The following EPHB2 variants were observed in gnomAD, a reference collection of about 807,000 sequenced individuals.
The protein encoded by EPHB2 is EPH receptor B2, also known as ephrin type-B receptor 2.
A neutral mutation model predicts 96.4 loss-of-function variants in EPHB2; 18 were observed. That is an observed-to-expected ratio of 0.19 (90% CI 0.13 to 0.28). The LOEUF (loss-of-function observed/expected upper bound fraction) is 0.28, where lower values mean the gene tolerates loss of function less well. Among genes scored for constraint, EPHB2 ranks in the 10% least tolerant of loss-of-function variants. The pLI is 1.00. For missense variants in EPHB2, 989 were observed against 1,355.4 expected (o/e 0.73, Z 4.25); for synonymous variants, 506 against 534.1 (o/e 0.95, Z 0.72).
chr1:22,713,421 C>G (rs1027129790), intron 1 of EPHB2, among the ~76,000 whole-genome samples: 9 of 152,270 alleles, frequency 5.9e-5, no homozygotes, highest in African/African-American at 1.9e-4. Flanking sequence ...GCCCTACTTC[C>G]CCTCTTTGAG....
chr1:22,741,132 G>A (rs574652183), intron 1 of EPHB2, among the ~76,000 whole-genome samples: 84 of 151,770 alleles, frequency 5.5e-4, no homozygotes, highest in Non-Finnish European at 1.1e-3. Flanking sequence ...CCCCTGCCCC[G>A]ACCCCTGTTC....
At chr1:22,816,885 A>G (rs959071093) in intron 3 of EPHB2, among the ~76,000 whole-genome samples, 20 of 152,160 alleles carry the variant, frequency 1.3e-4, no homozygotes, top group Non-Finnish European at 2.8e-4. Context: ...CCTGGCCAGG[A>G]CGTCGACCAC....
At chr1:22,839,190 G>C (rs1645429634) in intron 3 of EPHB2, among the ~76,000 whole-genome samples, 1 of 152,154 alleles carries the variant, frequency 6.6e-6, no homozygotes, top group African/African-American at 2.4e-5. Context: ...CAACCCACAT[G>C]CTACTTCAGG....
intron 3 of EPHB2, among the ~76,000 whole-genome samples, chr1:22,857,180 G>T (rs1385864972): frequency 6.6e-6 from 1 of 152,174 alleles, no homozygotes; most frequent in Non-Finnish European, 1.5e-5. Flanking sequence ...AGGGTTTAAT[G>T]ATCTCAAGTT....
At chr1:22,848,285 C>T (rs948293010) in intron 3 of EPHB2, among the ~76,000 whole-genome samples, 3 of 152,096 alleles carry the variant, frequency 2.0e-5, no homozygotes, top group Admixed American at 2.0e-4. Flanking sequence ...GCTGTGTGCC[C>T]GTGACTGCTG....
At position 22,906,136 on chromosome 1, in the gene EPHB2, C is replaced by A. The variant is rs573329494; in HGVS notation, c.1888+27C>A. 6.8e-6 allele frequency: 11 copies of A among 1,614,100 alleles called. No homozygotes were observed. The South Asian group carries it at 1.2e-4, about 18-fold the overall frequency. On this transcript the variant is annotated intron_variant, in intron 10 of 15. Coordinates refer to ENST00000374630, the MANE Select transcript of EPHB2 (RefSeq NM_017449.5). This position sits in a 1 kb window ranked among gnomAD's most constrained non-coding sequence, Gnocchi z 4.8. ...TAGGTGGCTGGTACTCTCACATGTA[C>A]TATGACCTTAGCCATGGCTGGTGAG...
intron 3 of EPHB2, among the ~76,000 whole-genome samples, chr1:22,798,836 C>G (rs1022999174): frequency 6.6e-5 from 10 of 152,030 alleles, no homozygotes; most frequent in African/African-American, 2.4e-4. Flanking sequence ...GCTCAGAAGG[C>G]AGGAGCAGGA....
At position 22,920,421 on chromosome 1, in the gene EPHB2, A is replaced by G. The variant is rs1473522059; in HGVS notation, c.*6851A>G. 1 of 152,314 alleles carries G rather than the reference A, an allele frequency of 6.6e-6. No homozygotes were observed. 9.4% of individuals were successfully genotyped at this position (152,314 alleles called of 1,614,324 possible). A position where few individuals can be genotyped will look rare whatever the true frequency, so the allele number is the denominator to read the frequency against. ...CTTCCTATTCAGAGCCAGAGTCTTAACACTGGACAACCACAGGGTGTTGCT... is the reference window on the plus strand; with the variant it reads ...CTTCCTATTCAGAGCCAGAGTCTTAGCACTGGACAACCACAGGGTGTTGCT... On this transcript the variant is annotated 3_prime_UTR_variant, in exon 16 of 16. Transcript: ENST00000374630.
intron 1 of EPHB2, among the ~76,000 whole-genome samples, chr1:22,742,942 A>C (rs561790413): frequency 6.8e-6 from 1 of 147,766 alleles, no homozygotes; most frequent in Admixed American, 6.8e-5. Flanking sequence ...CTCAGGTTGG[A>C]GTGCAGTGGT....
chr1:22,846,548 G>A lies in EPHB2; in HGVS notation c.812-16489G>A, dbSNP rs1645546327. On this transcript the variant is annotated intron_variant, in intron 3 of 15. Coordinates refer to ENST00000374630, the MANE Select transcript of EPHB2 (RefSeq NM_017449.5). This position sits in a 1 kb window ranked among gnomAD's most constrained non-coding sequence, Gnocchi z 4.3. Reference sequence around the variant, plus strand: ...GCCCGATCTGCAGGCCTTGGGCATGGAGAGGTTGGCACGCACCTGTTGCTG... The same window carrying A: ...GCCCGATCTGCAGGCCTTGGGCATGAAGAGGTTGGCACGCACCTGTTGCTG... Among the ~76,000 whole-genome samples the A allele has an allele frequency of 6.6e-6, 1 of 152,192 alleles. No individual in the cohort carries two copies. The highest frequency in any genetic ancestry group is 6.5e-5 in the Admixed American group (1 of 15,282).
intron 3 of EPHB2, among the ~76,000 whole-genome samples, chr1:22,834,807 C>T (rs6662444): frequency 0.99 from 149,902 of 152,044 alleles, 73,941 homozygotes; most frequent in East Asian, 1. Context: ...GCACCTGTAA[C>T]CCAGCTACTT....
At chr1:22,781,024 C>CG (rs1266192208) in intron 1 of EPHB2, among the ~76,000 whole-genome samples, 3 of 151,916 alleles carry the variant, frequency 2.0e-5, no homozygotes, top group Non-Finnish European at 2.9e-5. Context: ...GATGAGGGCC[C>CG]GGCCGTGAGG....
intron 1 of EPHB2, among the ~76,000 whole-genome samples, chr1:22,777,899 T>C (rs1644475316): frequency 6.6e-6 from 1 of 152,236 alleles, no homozygotes; most frequent in Non-Finnish European, 1.5e-5. Context: ...GAGGATCTAC[T>C]TTGTGCTGGG....
intron 5 of EPHB2, among the ~76,000 whole-genome samples, chr1:22,868,502 G>A (rs1327270958): frequency 1.3e-5 from 2 of 152,066 alleles, no homozygotes; most frequent in Non-Finnish European, 2.9e-5. Context: ...GGTCAGCTAG[G>A]GTTTGACTAA....
rs912345904 is a variant in EPHB2 at position 22,846,145 on chromosome 1, G to A, written c.812-16892G>A. 2.6e-5 allele frequency among the ~76,000 whole-genome samples: 4 copies of A among 152,160 alleles called. No homozygotes were observed. Among genetic ancestry groups the A allele is most frequent in the African/African-American group, 9.7e-5 (4 of 41,432 alleles). On this transcript the variant is annotated intron_variant, in intron 3 of 15. Coordinates refer to ENST00000374630, the MANE Select transcript of EPHB2 (RefSeq NM_017449.5). This position sits in a 1 kb window ranked among gnomAD's most constrained non-coding sequence, Gnocchi z 4.3. ...AGAATGTCCCAGGGCGTGGCCAGGTGCGGTGGTTCACACCTGTAATCCTAG... is the reference window on the plus strand; with the variant it reads ...AGAATGTCCCAGGGCGTGGCCAGGTACGGTGGTTCACACCTGTAATCCTAG...
At chr1:22,862,320 T>C (rs975310709) in intron 3 of EPHB2, among the ~76,000 whole-genome samples, 2 of 152,252 alleles carry the variant, frequency 1.3e-5, no homozygotes, top group South Asian at 2.1e-4. Context: ...CGCCTTTTAT[T>C]AATATTTTAA....
At position 22,875,561 on chromosome 1, in the gene EPHB2, C is replaced by A. The variant is rs2203608; in HGVS notation, c.1304-6798C>A. Among the ~76,000 whole-genome samples the A allele has an allele frequency of 4.6e-5, 7 of 152,032 alleles. No individual in the cohort carries two copies. The highest frequency in any genetic ancestry group is 7.3e-5 in the Non-Finnish European group (5 of 68,036). On this transcript the variant is annotated intron_variant, in intron 5 of 15. Coordinates refer to ENST00000374630, the MANE Select transcript of EPHB2 (RefSeq NM_017449.5). The surrounding 1 kb of genome is among the most constrained non-coding windows in gnomAD (Gnocchi z 4.2). Reference sequence around the variant, plus strand: ...GTCGGTAGACTCGGGTTCCTGAGGGCGCCAGAAAAGGGGAGAATCTGTCTG... The same window carrying A: ...GTCGGTAGACTCGGGTTCCTGAGGGAGCCAGAAAAGGGGAGAATCTGTCTG...
intron 1 of EPHB2, among the ~76,000 whole-genome samples, chr1:22,767,148 C>G (rs181085272): frequency 2.2e-4 from 34 of 152,274 alleles, no homozygotes; most frequent in African/African-American, 7.9e-4. Context: ...ACTTAGCAGC[C>G]CAGCATTGCA....
At chr1:22,812,229 C>G (rs1645013245) in intron 3 of EPHB2, among the ~76,000 whole-genome samples, 1 of 152,156 alleles carries the variant, frequency 6.6e-6, no homozygotes, top group Non-Finnish European at 1.5e-5. Flanking sequence ...TCCTGCCTGG[C>G]CAGGGAGGGA....
Sources: gnomAD v4.1 joint callset for allele counts (sites outside exome capture counted in the v4.1 genomes callset) on GRCh38, gnomAD v4.1.1 for gene constraint, Gnocchi (gnomAD v3.1) non-coding constraint, MANE v1.5 for transcripts, NCBI Gene and HGNC (gene_info 2026-07-23, HGNC 2026-07-21) for gene names.